Variants in ITGA1 observed in about 807,000 individuals in gnomAD.
ITGA1 encodes the protein integrin subunit alpha 1, also known as integrin alpha-1.
Under a neutral mutation model 145.9 loss-of-function variants are expected in ITGA1, and 85 were observed. The ratio of observed to expected loss-of-function variants is 0.58; its 90% confidence interval spans 0.49 to 0.70. The LOEUF is 0.70. Ranked by LOEUF, ITGA1 falls within the 30% of genes least tolerant of loss-of-function variation. ITGA1 has a pLI of 0.00. For synonymous variants in ITGA1, 520 were observed against 495.3 expected (o/e 1.05, Z -0.66); for missense variants, 1,351 against 1,418.7 (o/e 0.95, Z 0.77).
intron 2 of ITGA1, among the ~76,000 whole-genome samples, chr5:52,853,132 T>C (rs918548898): frequency 5.3e-5 from 8 of 152,334 alleles, no homozygotes; most frequent in Non-Finnish European, 1.2e-4. Context: ...TTATTTACAA[T>C]GATTTTATGG....
At chr5:52,909,222 C>A (rs565614633) in intron 13 of ITGA1, among the ~76,000 whole-genome samples, 181 bp downstream of exon 13, 1 of 152,130 alleles carries the variant, frequency 6.6e-6, no homozygotes, top group South Asian at 2.1e-4. Flanking sequence ...TAAAGTAGCT[C>A]CAACTCTTAG....
intron 14 of ITGA1, among the ~76,000 whole-genome samples, chr5:52,913,238 G>T (rs181329854): frequency 4.6e-5 from 7 of 152,028 alleles, no homozygotes; most frequent in Admixed American, 1.3e-4. Context: ...TCTGAATAAG[G>T]CAAAAATAAT....
rs767354219 is a variant in ITGA1 at position 52,887,795 on chromosome 5, T to A, written c.774-20T>A. On this transcript the variant is annotated intron_variant, in intron 7 of 28. Coordinates refer to ENST00000282588, the MANE Select transcript of ITGA1 (RefSeq NM_181501.2). The stretch of plus-strand genomic sequence containing the variant: ...AAAGTGGTGTCTTATCAACCTCTCT[T>A]TTGTTTGTGATTACTTTAGAAAGGA... 13 of 1,602,384 alleles carry A rather than the reference T, an allele frequency of 8.1e-6. No homozygotes were observed. The highest frequency in any genetic ancestry group is 9.4e-6 in the Non-Finnish European group (11 of 1,172,972).
chr5:52,788,838 G>C (rs1748181931), intron 1 of ITGA1, among the ~76,000 whole-genome samples: 1 of 151,326 alleles, frequency 6.6e-6, no homozygotes, highest in South Asian at 2.1e-4. Flanking sequence ...TTGTTCCAGA[G>C]TGGACATTAT....
chr5:52,937,386 A>ATT lies in ITGA1; in HGVS notation c.2965-9_2965-8dup, dbSNP rs759593735. The ATT allele has an allele frequency of 1.3e-6, 2 of 1,528,264 alleles. No individual in the cohort carries two copies. Among genetic ancestry groups the ATT allele is most frequent in the Admixed American group, 3.3e-5 (2 of 59,724 alleles). The allele number at this position is 1,528,264 out of a possible 1,614,324, so 94.7% of individuals were successfully genotyped here. ...AAAGAGGAAGAAAGATTACATTTCC[A>ATT]TTTTTTTCTTGTAGATTAGAAAAAG... On this transcript the variant is annotated splice_polypyrimidine_tract_variant and intron_variant, in intron 23 of 28. Transcript: ENST00000282588.
At chr5:52,801,787 C>G (rs1332760543) in intron 1 of ITGA1, 9 of 1,613,884 alleles carry the variant, frequency 5.6e-6, no homozygotes, top group Non-Finnish European at 7.6e-6. Flanking sequence ...TCTCCGCTTC[C>G]CTGTTCCCGA....
intron 14 of ITGA1, among the ~76,000 whole-genome samples, chr5:52,911,000 T>TATACA (rs1750507390): frequency 8.4e-6 from 1 of 118,604 alleles, no homozygotes; most frequent in Non-Finnish European, 1.6e-5. Flanking sequence ...ATATATAGTA[T>TATACA]GTATACTGTA....
chr5:52,919,088 T>C lies in ITGA1; in HGVS notation c.2155+190T>C, dbSNP rs1750693309. Among the ~76,000 whole-genome samples the C allele has an allele frequency of 2.0e-5, 3 of 152,158 alleles. No individual in the cohort carries two copies. In the South Asian group the frequency reaches 6.2e-4, roughly 32 times the overall value. ...GAATAGGTTATGGAACCCAGTCAAT[T>C]CTGGAGCAGAAATTACATGTTTGTA... On this transcript the variant is annotated intron_variant, in intron 16 of 28. Coordinates refer to ENST00000282588, the MANE Select transcript of ITGA1 (RefSeq NM_181501.2).
chr5:52,863,057 C>G (rs1228947294), intron 3 of ITGA1, among the ~76,000 whole-genome samples: 1 of 152,156 alleles, frequency 6.6e-6, no homozygotes, highest in African/African-American at 2.4e-5. Flanking sequence ...AATTTTGGAT[C>G]ATAACCTGGA....
intron 6 of ITGA1, among the ~76,000 whole-genome samples, chr5:52,868,946 CTA>C (rs1438750673): frequency 6.6e-6 from 1 of 152,168 alleles, no homozygotes; most frequent in Non-Finnish European, 1.5e-5. Context: ...AAGCTCTATG[CTA>C]TAGCTTGGGT....
At position 52,910,263 on chromosome 5, in the gene ITGA1, C is replaced by T. The variant is rs565973897; in HGVS notation, c.1701C>T (p.Cys567=). ...SCTTENKNEP[C]GARFGTAIAA... ...CAACAGAAAACAAAAATGAGCCATG[C>T]GGGGCTCGTTTTGGAACTGCAATTG... Residue 567 remains cysteine (C), a synonymous_variant, in exon 14 of 29, where the codon TGC becomes TGT. Transcript: ENST00000282588. 83 of 1,613,848 alleles carry T rather than the reference C, an allele frequency of 5.1e-5. No homozygotes were observed. Among genetic ancestry groups the T allele is most frequent in the East Asian group, 4.0e-4 (18 of 44,876 alleles).
intron 1 of ITGA1, among the ~76,000 whole-genome samples, chr5:52,845,778 G>C (rs1054170625): frequency 6.6e-6 from 1 of 152,168 alleles, no homozygotes; most frequent in African/African-American, 2.4e-5. Flanking sequence ...AATGTGAATA[G>C]TTCCAAAGTT....
At chr5:52,891,805 C>T (rs1002931563) in intron 8 of ITGA1, among the ~76,000 whole-genome samples, 1 of 151,872 alleles carries the variant, frequency 6.6e-6, no homozygotes, top group Non-Finnish European at 1.5e-5. Context: ...AGAATTAGGT[C>T]ATATCTACAT....
At chr5:52,909,543 A>C (rs985387648) in intron 13 of ITGA1, among the ~76,000 whole-genome samples, 1 of 152,108 alleles carries the variant, frequency 6.6e-6, no homozygotes, top group African/African-American at 2.4e-5. Flanking sequence ...TAATTTCTTC[A>C]TTAGAAGAGT....
In ITGA1 at chr5:52,939,656, A is replaced by G. The variant is rs1338495451; in HGVS notation, c.3145A>G (p.Thr1049Ala). The G allele has an allele frequency of 6.2e-7, 1 of 1,613,438 alleles. No individual in the cohort carries two copies. Among genetic ancestry groups the G allele is most frequent in the Non-Finnish European group, 8.5e-7 (1 of 1,179,384 alleles). ...TATCAACTCTGGAAAGAAAATGACT[A>G]CATCAACTGACCATCTCAAACGAGG... ...FSINSGKKMT[T>A]STDHLKRGTI... The change falls in exon 25 of 29, where the codon ACA becomes GCA. Residue 1049 changes from threonine to alanine, a missense_variant. Thr to Ala is a moderately conservative substitution (Grantham distance 58). Transcript: ENST00000282588.
intron 9 of ITGA1, 76 bp downstream of exon 9, chr5:52,893,916 C>A: frequency 9.2e-7 from 1 of 1,091,248 alleles, no homozygotes; most frequent in South Asian, 1.6e-5. Context: ...TGTATTTATT[C>A]CTAATACATC....
intron 1 of ITGA1, chr5:52,801,402 A>T: frequency 6.2e-7 from 1 of 1,604,238 alleles, no homozygotes; most frequent in Non-Finnish European, 8.5e-7. Context: ...TGTAATTGTG[A>T]TTCTAGGTAC....
At chr5:52,789,181 G>A (rs947776678) in intron 1 of ITGA1, among the ~76,000 whole-genome samples, 2 of 152,036 alleles carry the variant, frequency 1.3e-5, no homozygotes, top group Non-Finnish European at 2.9e-5. Flanking sequence ...TCCCAATAAT[G>A]AACTCATGGT....
At position 52,939,653 on chromosome 5, in the gene ITGA1, A is replaced by T. The variant is rs1751023627; in HGVS notation, c.3142A>T (p.Thr1048Ser). Residue 1048 changes from threonine to serine, a missense_variant, in exon 25 of 29, where the codon ACT becomes TCT. Thr to Ser is a moderately conservative substitution (Grantham distance 58). Transcript: ENST00000282588. ...CAGTATCAACTCTGGAAAGAAAATG[A>T]CTACATCAACTGACCATCTCAAACG... is the stretch of plus-strand genomic sequence containing the variant. ...PFSINSGKKM[T>S]TSTDHLKRGT... The T allele has an allele frequency of 1.2e-6, 2 of 1,613,562 alleles. No individual in the cohort carries two copies. Among genetic ancestry groups the T allele is most frequent in the African/African-American group, 1.3e-5 (1 of 75,044 alleles).
Sources: allele counts gnomAD v4.1 joint callset (sites outside exome capture counted in the v4.1 genomes callset), GRCh38; gene constraint gnomAD v4.1.1; transcripts MANE v1.5; gene names NCBI Gene and HGNC (gene_info 2026-07-23, HGNC 2026-07-21).